The following ILRUN variants were observed in gnomAD, a reference collection of about 807,000 sequenced individuals.
The protein encoded by ILRUN is protein ILRUN.
A neutral mutation model predicts 33.8 loss-of-function variants in ILRUN; 3 were observed. That is an observed-to-expected ratio of 0.09 (90% CI 0.04 to 0.23). The LOEUF (loss-of-function observed/expected upper bound fraction) is 0.23, where lower values mean the gene tolerates loss of function less well. ILRUN is among the 10% of genes least tolerant of loss of function. The probability of loss-of-function intolerance (pLI) is 1.00; values close to 1 mark genes in which losing one functional copy is unlikely to be tolerated. For missense variants in ILRUN, 210 were observed against 375.1 expected, an observed-to-expected ratio of 0.56 and a Z score of 3.64; for synonymous variants, 124 against 138.9, an observed-to-expected ratio of 0.89 and a Z score of 0.75.
chr6:34,593,436 C>A (rs930442262), intron 4 of ILRUN, among the ~76,000 whole-genome samples: 10 of 152,162 alleles, frequency 6.6e-5, no homozygotes, highest in Non-Finnish European at 1.5e-4. Context: ...TATATTCCCA[C>A]TTAACGGATA....
intron 1 of ILRUN, among the ~76,000 whole-genome samples, chr6:34,666,580 T>C (rs560497624): frequency 3.0e-4 from 45 of 151,954 alleles, no homozygotes; most frequent in Non-Finnish European, 5.7e-4. Flanking sequence ...AAAGAAGAGC[T>C]ATATACTTAC....
rs796961923 is a variant in ILRUN, at chr6:34,614,432, A to T, written c.512-7528T>A. On this transcript the variant is annotated intron_variant, in intron 3 of 4. Transcript: ENST00000374023. ...GCAAGACTCCATCTCAAAAAATAAT[A>T]AAAAAAAAAAAATATATATATATAA... Among the ~76,000 whole-genome samples, 115 of 110,016 alleles carry T rather than the reference A, an allele frequency of 1.0e-3. 2 individuals are homozygous for T. The South Asian group carries it at 0.027, about 26-fold the overall frequency. The allele number at this position is 110,016 out of a possible 152,430, so 72.2% of individuals were successfully genotyped here. A position where few individuals can be genotyped will look rare whatever the true frequency, so the allele number is the denominator to read the frequency against.
intron 4 of ILRUN, among the ~76,000 whole-genome samples, chr6:34,605,142 A>G (rs539383849): frequency 6.6e-6 from 1 of 152,090 alleles, no homozygotes; most frequent in Admixed American, 6.6e-5. Flanking sequence ...CCCCATCTCT[A>G]CTAACAATAC....
chr6:34,615,654 G>T (rs1051273799), intron 3 of ILRUN, among the ~76,000 whole-genome samples: 1 of 152,154 alleles, frequency 6.6e-6, no homozygotes, highest in Non-Finnish European at 1.5e-5. Context: ...TCTATGGAGA[G>T]AATTGACTAG....
chr6:34,614,428 T>TTAAAA (rs1761826343), intron 3 of ILRUN, among the ~76,000 whole-genome samples: 1 of 109,052 alleles, frequency 9.2e-6, no homozygotes, highest in African/African-American at 4.4e-5. Context: ...TCTCAAAAAA[T>TTAAAA]AATAAAAAAA....
intron 3 of ILRUN, among the ~76,000 whole-genome samples, chr6:34,619,930 A>G (rs908127946): frequency 6.7e-6 from 1 of 150,074 alleles, no homozygotes; most frequent in Non-Finnish European, 1.5e-5. Flanking sequence ...GGTTGCAGTG[A>G]GCCAAGATTG....
chr6:34,614,541 A>G (rs1251113153), intron 3 of ILRUN, among the ~76,000 whole-genome samples: 2 of 148,434 alleles, frequency 1.3e-5, no homozygotes, highest in Non-Finnish European at 3.0e-5. Flanking sequence ...ACAGTGCTAT[A>G]CATATAAGTG....
chr6:34,675,038 TC>T (rs1167015871), intron 1 of ILRUN, among the ~76,000 whole-genome samples: 2 of 152,214 alleles, frequency 1.3e-5, no homozygotes, highest in Non-Finnish European at 2.9e-5. Context: ...CCCAGCACTT[TC>T]GGAGGCCCAG....
chr6:34,622,737 C>G (rs1037229132), intron 3 of ILRUN, among the ~76,000 whole-genome samples: 18 of 152,198 alleles, frequency 1.2e-4, no homozygotes, highest in African/African-American at 4.3e-4. Context: ...TCCAGTAACT[C>G]TACCTCTAGG....
intron 3 of ILRUN, among the ~76,000 whole-genome samples, chr6:34,624,587 GC>G (rs1762077364): frequency 6.6e-6 from 1 of 151,934 alleles, no homozygotes; most frequent in Non-Finnish European, 1.5e-5. Flanking sequence ...ACCTGCCTGG[GC>G]CTCCCAAAGT....
intron 3 of ILRUN, chr6:34,616,759 T>C: frequency 1.4e-6 from 1 of 706,804 alleles, no homozygotes. Context: ...GCAACTTCTA[T>C]GTACCTGCAG....
chr6:34,642,825 CAAA>C (rs57866309), intron 3 of ILRUN, among the ~76,000 whole-genome samples: 20 of 42,986 alleles, frequency 4.7e-4, no homozygotes, highest in African/African-American at 1.7e-3. Flanking sequence ...CCGTCTCTAC[CAAA>C]AAAAAAAAAA....
At chr6:34,591,060 C>A (rs1026358809) in intron 4 of ILRUN, among the ~76,000 whole-genome samples, 4 of 152,200 alleles carry the variant, frequency 2.6e-5, no homozygotes, top group African/African-American at 9.7e-5. Context: ...TTACTTAGCA[C>A]CTAGGTCCCA....
intron 1 of ILRUN, among the ~76,000 whole-genome samples, chr6:34,661,708 A>T (rs7766657): frequency 0.031 from 4,715 of 152,214 alleles, 198 homozygotes; most frequent in African/African-American, 0.091. Flanking sequence ...CCTTAAAGAA[A>T]CCCTTTTATC....
chr6:34,613,330 T>C (rs1761801484), intron 3 of ILRUN, among the ~76,000 whole-genome samples: 2 of 152,214 alleles, frequency 1.3e-5, no homozygotes, highest in African/African-American at 4.8e-5. Flanking sequence ...CTCACATCCA[T>C]AATCTCAACG....
Position 34,606,791 on chromosome 6 carries a change from T to C in ILRUN, c.625A>G (p.Asn209Asp). Residue 209 changes from asparagine (N) to aspartate (D), a missense_variant, in exon 4 of 5, where the codon AAC (asparagine) becomes GAC (aspartate). Transcript: ENST00000374023. ...TGGGGAGAGGCAAAAGGGTTGAAGT[T>C]TCCTTCTACCTTACGATGCGGCTGT... ...NTQPHRKVEGNFNPFASPQKN... is the reference protein window; with the variant it reads ...NTQPHRKVEGDFNPFASPQKN... 6.2e-7 allele frequency: 1 copy of C among 1,614,138 alleles called. No homozygotes were observed. Among genetic ancestry groups the C allele is most frequent in the Non-Finnish European group, 8.5e-7 (1 of 1,180,018 alleles).
chr6:34,637,113 ACT>A (rs1185530871), intron 3 of ILRUN, among the ~76,000 whole-genome samples: 4 of 152,186 alleles, frequency 2.6e-5, no homozygotes, highest in African/African-American at 7.2e-5. Flanking sequence ...TATTAAAATT[ACT>A]GTCACTTCAG....
intron 4 of ILRUN, among the ~76,000 whole-genome samples, chr6:34,593,642 C>T (rs1761338765): frequency 6.6e-6 from 1 of 152,052 alleles, no homozygotes; most frequent in African/African-American, 2.4e-5. Flanking sequence ...TCTCTTTCAC[C>T]CAGTGAACTA....
intron 1 of ILRUN, among the ~76,000 whole-genome samples, chr6:34,695,533 A>G (rs1763748439): frequency 6.6e-6 from 1 of 152,172 alleles, no homozygotes; most frequent in African/African-American, 2.4e-5. Flanking sequence ...AGCCTTCTAC[A>G]AGGTGAAGCC....
Sources: allele counts gnomAD v4.1 joint callset (sites outside exome capture counted in the v4.1 genomes callset), GRCh38; gene constraint gnomAD v4.1.1; transcripts MANE v1.5; gene names NCBI Gene and HGNC (gene_info 2026-07-23, HGNC 2026-07-21).